TRHDE: variants seen among roughly 807,000 people sequenced by gnomAD.
TRHDE encodes the protein thyrotropin releasing hormone degrading enzyme, also known as thyrotropin-releasing hormone-degrading ectoenzyme.
TRHDE carries 72 observed loss-of-function variants against 125.7 expected under a neutral mutation model. The ratio of observed to expected loss-of-function variants is 0.57; its 90% CI spans 0.47 to 0.70. The LOEUF (loss-of-function observed/expected upper bound fraction) is 0.70, where lower values mean the gene tolerates loss of function less well. TRHDE is among the 30% of genes least tolerant of loss of function. TRHDE has a pLI of 0.00. For missense variants in TRHDE, 1,110 were observed against 1,327.1 expected (o/e 0.84, Z 2.54); for synonymous variants, 509 against 509.1 (o/e 1.00, Z 0.00).
chr12:72,090,185 G>A (rs1024943656), intron 1 of TRHDE, among the ~76,000 whole-genome samples: 1 of 152,166 alleles, frequency 6.6e-6, no homozygotes. Context: ...GGAAGAAGGT[G>A]TCTTAGGGAG....
intron 12 of TRHDE, among the ~76,000 whole-genome samples, chr12:72,598,561 C>A (rs1414508422): frequency 6.6e-6 from 1 of 152,072 alleles, no homozygotes; most frequent in Non-Finnish European, 1.5e-5. Context: ...CCTTATACAA[C>A]CAAGTCTAAG....
At chr12:72,253,950 A>C (rs1878746412) in intron 2 of TRHDE, 1 of 152,148 alleles carries the variant, frequency 6.6e-6, no homozygotes, top group East Asian at 1.9e-4. Context: ...TTCATAATAC[A>C]TAGTACAGGA....
chr12:72,383,370 ATTTTTT>A (rs552559387), intron 3 of TRHDE, among the ~76,000 whole-genome samples: 7 of 100,944 alleles, frequency 6.9e-5, no homozygotes, highest in Non-Finnish European at 9.4e-5. Context: ...AACCCATTTA[ATTTTTT>A]TTTTTTTTTT....
At chr12:72,338,308 T>G (rs189877576) in intron 2 of TRHDE, among the ~76,000 whole-genome samples, 2 of 152,196 alleles carry the variant, frequency 1.3e-5, no homozygotes, top group African/African-American at 2.4e-5. Context: ...AGTTGTTATG[T>G]CACGGTTAGG....
At chr12:72,390,388 TC>T (rs1435934569) in intron 3 of TRHDE, among the ~76,000 whole-genome samples, 1 of 152,086 alleles carries the variant, frequency 6.6e-6, no homozygotes, top group Non-Finnish European at 1.5e-5. Flanking sequence ...TTCATTAAAG[TC>T]TAGCTGGGGA....
At chr12:72,301,425 G>C (rs964033728) in intron 2 of TRHDE, among the ~76,000 whole-genome samples, 1 of 152,110 alleles carries the variant, frequency 6.6e-6, no homozygotes, top group Admixed American at 6.6e-5. Context: ...AAGGCAGTGC[G>C]AACAGTGAGA....
intron 4 of TRHDE, among the ~76,000 whole-genome samples, chr12:72,470,605 C>G (rs745574902): frequency 1.1e-4 from 17 of 152,036 alleles, no homozygotes; most frequent in African/African-American, 2.2e-4. Context: ...GACGTCCATG[C>G]CAATAGAAAG....
chr12:72,412,545 A>G (rs1873556942), intron 3 of TRHDE, among the ~76,000 whole-genome samples: 1 of 152,078 alleles, frequency 6.6e-6, no homozygotes, highest in Non-Finnish European at 1.5e-5. Flanking sequence ...TGATCCAGCA[A>G]GTTCATTCCT....
intron 2 of TRHDE, among the ~76,000 whole-genome samples, chr12:72,181,138 A>G (rs1877088613): frequency 6.6e-6 from 1 of 152,136 alleles, no homozygotes; most frequent in African/African-American, 2.4e-5. Context: ...GCTACATTTG[A>G]AGTTTTGGAT....
chr12:72,217,579 A>G (rs1290565420), intron 2 of TRHDE, among the ~76,000 whole-genome samples: 2 of 152,268 alleles, frequency 1.3e-5, no homozygotes, highest in East Asian at 3.9e-4. Flanking sequence ...GTTAATCTCT[A>G]TAAAACCCAG....
chr12:72,325,268 A>AC (rs1869287789), intron 2 of TRHDE, among the ~76,000 whole-genome samples: 1 of 151,880 alleles, frequency 6.6e-6, no homozygotes, highest in Non-Finnish European at 1.5e-5. Flanking sequence ...TTAAATCTGT[A>AC]CCCCCCAGTT....
intron 18 of TRHDE, among the ~76,000 whole-genome samples, chr12:72,657,456 T>C (rs1049292457): frequency 1.3e-5 from 2 of 152,206 alleles, no homozygotes; most frequent in Non-Finnish European, 2.9e-5. Flanking sequence ...CTGTACATAA[T>C]AATATTGCTT....
intron 2 of TRHDE, among the ~76,000 whole-genome samples, chr12:72,248,037 G>A (rs148798452): frequency 6.6e-6 from 1 of 152,220 alleles, no homozygotes; most frequent in African/African-American, 2.4e-5. Flanking sequence ...ATGTGTATGT[G>A]TGTACATATG....
chr12:72,545,619 T>C (rs1869379431), intron 7 of TRHDE, among the ~76,000 whole-genome samples: 1 of 151,562 alleles, frequency 6.6e-6, no homozygotes, highest in African/African-American at 2.4e-5. Flanking sequence ...ATTTAGACTG[T>C]ATTATATGAC....
In TRHDE at chr12:72,575,301, G is replaced by T; in HGVS notation, c.2178G>T (p.Gly726=). 6.2e-7 allele frequency: 1 copy of T among 1,613,480 alleles called. No homozygotes were observed. Among genetic ancestry groups the T allele is most frequent in the Non-Finnish European group, 8.5e-7 (1 of 1,179,676 alleles). ...TYLDKGSWLL[G]NINQTGYFRV... ...TGGACAAAGGAAGCTGGCTGCTGGG[G>T]AACATCAATCAAACTGGCTATTTTA... Residue 726 remains glycine, a synonymous_variant, in exon 11 of 19, where the codon GGG becomes GGT. Transcript: ENST00000261180.
chr12:72,372,674 A>G (rs1266768171), intron 2 of TRHDE, among the ~76,000 whole-genome samples: 2 of 152,044 alleles, frequency 1.3e-5, no homozygotes, highest in Admixed American at 6.6e-5. Flanking sequence ...TGTTTTTCTC[A>G]GGTTTGTCAA....
At chr12:72,404,818 A>G (rs974241829) in intron 3 of TRHDE, among the ~76,000 whole-genome samples, 1 of 152,188 alleles carries the variant, frequency 6.6e-6, no homozygotes, top group African/African-American at 2.4e-5. Context: ...ATGCGGGTTA[A>G]AAGTCTTACC....
intron 2 of TRHDE, among the ~76,000 whole-genome samples, chr12:72,366,556 G>C (rs1282587690): frequency 1.3e-5 from 2 of 151,954 alleles, no homozygotes; most frequent in Non-Finnish European, 2.9e-5. Context: ...TTGGGTGCAA[G>C]GCATCGTATT....
intron 3 of TRHDE, among the ~76,000 whole-genome samples, chr12:72,426,717 T>TA (rs1874200630): frequency 4.3e-4 from 49 of 113,110 alleles, no homozygotes; most frequent in African/African-American, 1.1e-3. Flanking sequence ...AAAAATAGAT[T>TA]TAAAAAAAAA....
Sources: allele counts gnomAD v4.1 joint callset (sites outside exome capture counted in the v4.1 genomes callset), GRCh38; gene constraint gnomAD v4.1.1; transcripts MANE v1.5; gene names NCBI Gene and HGNC (gene_info 2026-07-23, HGNC 2026-07-21).